Variants in MTERF4 observed in about 807,000 individuals in gnomAD.
MTERF4 encodes the protein mitochondrial transcription termination factor 4, also known as transcription termination factor 4, mitochondrial.
A neutral mutation model predicts 22.5 loss-of-function variants in MTERF4; 17 were observed. That is an observed-to-expected ratio of 0.75 (90% CI 0.52 to 1.13). MTERF4 has a LOEUF of 1.13. MTERF4 is among the 50% of genes most tolerant of loss of function. The pLI, the probability that MTERF4 is intolerant of heterozygous loss-of-function variation, is 0.00. For missense variants in MTERF4, 420 were observed against 466.8 expected (o/e 0.90, Z 0.92); for synonymous variants, 165 against 175.3 (o/e 0.94, Z 0.47).
chr2:241,089,348 C>A, downstream of MTERF4: 1 of 1,550,618 alleles, frequency 6.4e-7, no homozygotes, highest in South Asian at 1.2e-5. Flanking sequence ...CAAAACAGGT[C>A]TATGTTTTGT....
chr2:241,046,828 G>T, the MTERF4 span, among the ~76,000 whole-genome samples: 1 of 152,122 alleles, frequency 6.6e-6, no homozygotes, highest in African/African-American at 2.4e-5. Flanking sequence ...TTGAAAGCAC[G>T]TGAAGAAACT....
At position 241,077,044 on chromosome 2, in the gene MTERF4, A is replaced by C. The variant is rs187718471; in HGVS notation, n.480-1362T>G. Among the ~76,000 whole-genome samples, 639 of 150,670 alleles carry C rather than the reference A, an allele frequency of 4.2e-3. 4 individuals are homozygous for C. Among genetic ancestry groups the C allele is most frequent in the African/African-American group, 0.015 (617 of 40,822 alleles). On this transcript the variant is annotated intron_variant and non_coding_transcript_variant, in intron 4 of 4. Coordinates refer to the MTERF4 transcript ENST00000464344. ...CAGTGAGCTGAGATTGCGCCACTGC[A>C]CTCCAGCCTGGGCGACAGAGCGAGA...
chr2:241,058,541 A>C, the MTERF4 span, among the ~76,000 whole-genome samples: 1 of 152,250 alleles, frequency 6.6e-6, no homozygotes, highest in African/African-American at 2.4e-5. Context: ...GATATAGATT[A>C]CAACAAAATT....
the MTERF4 span, among the ~76,000 whole-genome samples, chr2:241,056,579 A>ATTTTTTTTTT: frequency 2.1e-4 from 18 of 87,732 alleles, no homozygotes; most frequent in East Asian, 4.8e-3. Flanking sequence ...GAATAAGTGA[A>ATTTTTTTTTT]ATTTTTTTTT....
intron 1 of MTERF4, 170 bp downstream of exon 1, chr2:241,102,083 A>C: frequency 1.2e-6 from 1 of 838,024 alleles, no homozygotes; most frequent in African/African-American, 1.7e-5. Context: ...TATATCCCAC[A>C]ATAATTGAGC....
At position 241,096,400 on chromosome 2, in the gene MTERF4, A is replaced by T. The variant is rs772426713; in HGVS notation, c.744T>A (p.Ile248=). 1 of 1,614,176 alleles carries T rather than the reference A, an allele frequency of 6.2e-7. No homozygotes were observed. Residue 248 remains isoleucine, a synonymous_variant, in exon 4 of 4, where the codon ATT becomes ATA. Transcript: ENST00000391980. The surrounding 1 kb of genome is among the most constrained non-coding windows in gnomAD (Gnocchi z 5.1). ...YFRMGIKHPD[I]VKSEYLQYSL... Reference sequence around the variant, plus strand: ...AATACTGCAAGTACTCACTCTTTACAATGTCTGGATGCTTAATTCCCATCC... The same window carrying T: ...AATACTGCAAGTACTCACTCTTTACTATGTCTGGATGCTTAATTCCCATCC...
chr2:241,082,138 C>G, downstream of MTERF4: 1 of 670,148 alleles, frequency 1.5e-6, no homozygotes, highest in Non-Finnish European at 2.6e-6. Context: ...TGCAGACCCC[C>G]GGGCCCTCTC....
chr2:241,071,669 T>C (rs17440466), downstream of MTERF4: 237,499 of 1,556,876 alleles, frequency 0.15, 19,494 homozygotes, highest in East Asian at 0.22. Flanking sequence ...CTGCCGGAGC[T>C]GCGCCTGCTC....
chr2:241,079,543 CTAAA>C (rs2063226086), intron 4 of MTERF4, among the ~76,000 whole-genome samples: 1 of 152,024 alleles, frequency 6.6e-6, no homozygotes, highest in African/African-American at 2.4e-5. Flanking sequence ...AGATGGTTCA[CTAAA>C]TGAGGAGGGA....
the MTERF4 span, among the ~76,000 whole-genome samples, chr2:241,061,984 T>C: frequency 6.6e-6 from 1 of 152,194 alleles, no homozygotes; most frequent in Non-Finnish European, 1.5e-5. Flanking sequence ...AGTGAAAATC[T>C]ATGAACCACA....
chr2:241,083,349 T>G (rs1255156591), downstream of MTERF4, among the ~76,000 whole-genome samples: 1 of 151,432 alleles, frequency 6.6e-6, no homozygotes, highest in Non-Finnish European at 1.5e-5. Flanking sequence ...CTCGGGGCCA[T>G]GGAGACCCAC....
At chr2:241,081,154 T>C (rs2063308960) in intron 4 of MTERF4, among the ~76,000 whole-genome samples, 1 of 152,226 alleles carries the variant, frequency 6.6e-6, no homozygotes, top group East Asian at 1.9e-4. Context: ...GCAGCAGCCC[T>C]GCAAAGACCA....
chr2:241,093,274 C>A (rs1014380096), downstream of MTERF4: 3 of 152,654 alleles, frequency 2.0e-5, no homozygotes. Context: ...CTGCGGACTT[C>A]CTGCCGCCCT....
exon 5 of MTERF4, chr2:241,072,541 A>G (rs2062783589): frequency 3.1e-6 from 1 of 321,396 alleles, no homozygotes; most frequent in African/African-American, 2.2e-5. Flanking sequence ...GAGCCTAGTC[A>G]CCAGTTTAAT....
chr2:241,072,819 A>G (rs899548009), exon 5 of MTERF4: 1 of 198,032 alleles, frequency 5.0e-6, no homozygotes, highest in Admixed American at 5.2e-5. Flanking sequence ...AGATCCCTGC[A>G]TAAGAAGTGA....
At chr2:241,083,639 C>G (rs577886432), downstream of MTERF4, among the ~76,000 whole-genome samples, 1 of 152,320 alleles carries the variant, frequency 6.6e-6, no homozygotes, top group Middle Eastern at 3.4e-3. Flanking sequence ...TCCACAGTAT[C>G]TGCCATCTTC....
At chr2:241,043,240 A>G in the MTERF4 span, among the ~76,000 whole-genome samples, 1 of 152,234 alleles carries the variant, frequency 6.6e-6, no homozygotes, top group Admixed American at 6.5e-5. Context: ...GCTGAAAACT[A>G]ATGATAAAAA....
chr2:241,043,938 G>A, the MTERF4 span, among the ~76,000 whole-genome samples: 1 of 152,290 alleles, frequency 6.6e-6, no homozygotes, highest in East Asian at 1.9e-4. Flanking sequence ...AAGATAAGAA[G>A]AAATGGAAGT....
At chr2:241,045,995 A>T in the MTERF4 span, among the ~76,000 whole-genome samples, 1 of 152,232 alleles carries the variant, frequency 6.6e-6, no homozygotes, top group Non-Finnish European at 1.5e-5. Context: ...AAATGGACAA[A>T]AGACTTGAAC....
Sources: allele counts gnomAD v4.1 joint callset (sites outside exome capture counted in the v4.1 genomes callset), GRCh38; gene constraint gnomAD v4.1.1; non-coding constraint Gnocchi (gnomAD v3.1); transcripts MANE v1.5; gene names NCBI Gene and HGNC (gene_info 2026-07-23, HGNC 2026-07-21).